Variants in SLCO1B1 observed in about 807,000 individuals in gnomAD.
The protein encoded by SLCO1B1 is solute carrier organic anion transporter family member 1B1, also known as OATP-2.
SLCO1B1 carries 81 observed loss-of-function variants against 70.1 expected under a neutral mutation model. The ratio of observed to expected loss-of-function variants is 1.16; its 90% CI spans 0.97 to 1.39. The LOEUF is 1.39. SLCO1B1 is among the 40% of genes most tolerant of loss of function. The pLI, the probability that SLCO1B1 is intolerant of heterozygous loss-of-function variation, is 0.00. For synonymous variants in SLCO1B1, 283 were observed against 271.5 expected, an observed-to-expected ratio of 1.04 and a Z score of -0.42; for missense variants, 895 against 799.6, an observed-to-expected ratio of 1.12 and a Z score of -1.44.
At position 21,200,679 on chromosome 12, in the gene SLCO1B1, C is replaced by T. The variant is rs1941147258; in HGVS notation, c.1135+7C>T. ...AAGGCTAACATCTTATTGGGTAAGA[C>T]ATATTTTTTACTTGTGTGCTTAATA... On this transcript the variant is annotated splice_region_variant and intron_variant, in intron 9 of 14. Transcript: ENST00000256958. The T allele has an allele frequency of 1.2e-6, 2 of 1,609,502 alleles. No individual in the cohort carries two copies. The highest frequency in any genetic ancestry group is 2.7e-5 in the African/African-American group (2 of 74,772).
chr12:21,218,372 G>A (rs754243854), intron 12 of SLCO1B1, among the ~76,000 whole-genome samples: 1 of 151,940 alleles, frequency 6.6e-6, no homozygotes, highest in Non-Finnish European at 1.5e-5. Context: ...TGTAAGTATA[G>A]TGACCTGGGT....
chr12:21,200,576 T>C lies in SLCO1B1; in HGVS notation c.1039T>C (p.Leu347=). The part of the protein sequence containing the change: ...LYVMFVLLTL[L]QVSSYIGAFT... ...TGTTATGTTTGTGCTTTTGACGTTG[T>C]TACAAGTAAGCAGCTATATTGGTGC... The change falls in exon 9 of 15, where the codon TTA becomes CTA. Residue 347 remains leucine, a synonymous_variant. Transcript: ENST00000256958. 1 of 1,610,238 alleles carries C rather than the reference T, an allele frequency of 6.2e-7. No individual in the cohort carries two copies. The highest frequency in any genetic ancestry group is 1.1e-5 in the South Asian group (1 of 90,688).
intron 5 of SLCO1B1, among the ~76,000 whole-genome samples, chr12:21,177,563 C>T (rs1940838319): frequency 1.3e-5 from 2 of 152,014 alleles, no homozygotes; most frequent in Admixed American, 6.6e-5. Flanking sequence ...AAGGATTTCA[C>T]ATTGTATATA....
intron 11 of SLCO1B1, among the ~76,000 whole-genome samples, chr12:21,214,378 G>T (rs577401659): frequency 2.0e-5 from 3 of 150,020 alleles, no homozygotes; most frequent in Non-Finnish European, 4.4e-5. Flanking sequence ...CTGCTCAGGG[G>T]TCAGGGGTCA....
intron 8 of SLCO1B1, among the ~76,000 whole-genome samples, chr12:21,199,323 C>T (rs141486211): frequency 3.3e-5 from 5 of 152,230 alleles, no homozygotes; most frequent in African/African-American, 9.6e-5. Flanking sequence ...TAAGTAGTTC[C>T]TTCTACTTTT....
intron 14 of SLCO1B1, among the ~76,000 whole-genome samples, chr12:21,237,334 A>G (rs975435039): frequency 1.3e-5 from 2 of 152,106 alleles, no homozygotes; most frequent in African/African-American, 4.8e-5. Context: ...GTTTATTTCT[A>G]CTTTACTTTT....
chr12:21,213,016 C>T (rs1394244871), intron 11 of SLCO1B1, among the ~76,000 whole-genome samples: 1 of 151,656 alleles, frequency 6.6e-6, no homozygotes, highest in Non-Finnish European at 1.5e-5. Context: ...GACTCTTTAT[C>T]CAATTTGCCA....
At chr12:21,202,810 A>G (rs1941174046) in intron 10 of SLCO1B1, 124 bp downstream of exon 10, 7 of 770,608 alleles carry the variant, frequency 9.1e-6, no homozygotes, top group East Asian at 2.7e-5. Context: ...AGAAATTTCA[A>G]TTTTAAAATT....
chr12:21,148,453 T>A (rs1391481986), intron 2 of SLCO1B1, among the ~76,000 whole-genome samples: 1 of 152,188 alleles, frequency 6.6e-6, no homozygotes, highest in African/African-American at 2.4e-5. Context: ...CAACATCATA[T>A]ATATTAAGAA....
intron 3 of SLCO1B1, among the ~76,000 whole-genome samples, chr12:21,174,285 G>A (rs1940791835): frequency 1.3e-5 from 2 of 152,026 alleles, no homozygotes; most frequent in East Asian, 1.9e-4. Context: ...CCCTCATCAG[G>A]AAGATTCATC....
chr12:21,229,146 C>T (rs959778776), intron 14 of SLCO1B1, among the ~76,000 whole-genome samples: 1 of 152,082 alleles, frequency 6.6e-6, no homozygotes, highest in African/African-American at 2.4e-5. Context: ...TTCCCACATA[C>T]CACCTGCCCC....
intron 12 of SLCO1B1, among the ~76,000 whole-genome samples, chr12:21,220,710 A>G (rs1227491114): frequency 1.3e-5 from 2 of 151,928 alleles, no homozygotes; most frequent in Non-Finnish European, 2.9e-5. Flanking sequence ...TAACTGTGTC[A>G]AGGGCTGCTG....
chr12:21,205,834 C>G, intron 10 of SLCO1B1, 34 bp from the exon 11 acceptor site: 1 of 1,493,362 alleles, frequency 6.7e-7, no homozygotes, highest in Non-Finnish European at 9.3e-7. Flanking sequence ...TTCTCTCTCT[C>G]TCTTTTTGAT....
At chr12:21,168,583 A>C (rs916628314) in intron 2 of SLCO1B1, among the ~76,000 whole-genome samples, 16 of 152,026 alleles carry the variant, frequency 1.1e-4, no homozygotes, top group African/African-American at 2.4e-5. Flanking sequence ...GGCTTTTCTG[A>C]TGGTTGTGGG....
At chr12:21,141,102 C>G (rs1940301483) in intron 1 of SLCO1B1, among the ~76,000 whole-genome samples, 1 of 151,810 alleles carries the variant, frequency 6.6e-6, no homozygotes, top group Admixed American at 6.6e-5. Context: ...TTTTGAATAT[C>G]TACTCTGTGC....
At chr12:21,133,839 G>C (rs1057427798) in intron 1 of SLCO1B1, among the ~76,000 whole-genome samples, 1 of 152,086 alleles carries the variant, frequency 6.6e-6, no homozygotes, top group Non-Finnish European at 1.5e-5. Flanking sequence ...TCTCCTGCCT[G>C]ATTGCCCTGG....
intron 2 of SLCO1B1, among the ~76,000 whole-genome samples, chr12:21,146,232 CAG>C (rs1940380914): frequency 6.6e-6 from 1 of 152,022 alleles, no homozygotes; most frequent in African/African-American, 2.4e-5. Flanking sequence ...TAGTTGTAGG[CAG>C]AGTGTTGCTT....
chr12:21,232,719 CAGAG>C (rs999143349), intron 14 of SLCO1B1, among the ~76,000 whole-genome samples: 1 of 148,632 alleles, frequency 6.7e-6, no homozygotes, highest in African/African-American at 2.5e-5. Flanking sequence ...GACAGAAAGA[CAGAG>C]AGACAGAGAG....
At chr12:21,230,202 A>T (rs1484295651) in intron 14 of SLCO1B1, among the ~76,000 whole-genome samples, 1 of 152,162 alleles carries the variant, frequency 6.6e-6, no homozygotes, top group Non-Finnish European at 1.5e-5. Flanking sequence ...CAGTCTTGGA[A>T]ACCTGAGGGA....
Sources: allele counts gnomAD v4.1 joint callset (sites outside exome capture counted in the v4.1 genomes callset), GRCh38; gene constraint gnomAD v4.1.1; transcripts MANE v1.5; gene names NCBI Gene and HGNC (gene_info 2026-07-23, HGNC 2026-07-21).